Variants in ZNF141 observed in about 807,000 individuals in gnomAD.
ZNF141 encodes zinc finger protein 141.
In ZNF141, 7 loss-of-function variants were observed where a neutral mutation model predicts 11.3. The observed-to-expected ratio is 0.62, with a 90% CI of 0.35 to 1.16. The LOEUF (loss-of-function observed/expected upper bound fraction) is 1.16. Among genes scored for constraint, ZNF141 ranks in the 50% most tolerant of loss-of-function variants. The probability of loss-of-function intolerance (pLI) is 0.02; values close to 1 mark genes in which losing one functional copy is unlikely to be tolerated. For synonymous variants in ZNF141, 183 were observed against 190.7 expected (o/e 0.96, Z 0.33); for missense variants, 535 against 554.0 (o/e 0.97, Z 0.34).
chr4:364,299 C>T (rs1284647438), intron 3 of ZNF141, among the ~76,000 whole-genome samples: 1 of 152,058 alleles, frequency 6.6e-6, no homozygotes, highest in Non-Finnish European at 1.5e-5. Flanking sequence ...TGGTAGAATT[C>T]GGCTGTGAAT....
Position 372,898 on chromosome 4 carries a change from T to TTAGTAAATTTTCAAATTCC in ZNF141, c.479_480insCTAGTAAATTTTCAAATTC (p.Asn161Ter). The TTAGTAAATTTTCAAATTCC allele has an allele frequency of 6.2e-7, 1 of 1,613,610 alleles. No homozygotes were observed. The highest frequency in any genetic ancestry group is 2.2e-5 in the East Asian group (1 of 44,850). Reference sequence around the variant, plus strand: ...CAGTGTAAAGCAAGTGTCAAAGTTGTTAGTAAATTTTCAAATTCAAACAAA... The same window carrying TTAGTAAATTTTCAAATTCC: ...CAGTGTAAAGCAAGTGTCAAAGTTGTTAGTAAATTTTCAAATTCCTAGTAAATTTTCAAATTCAAACAAA... On this transcript the variant is annotated frameshift_variant, in exon 4 of 4. Transcript: ENST00000240499. LOFTEE classifies it low-confidence loss of function (END_TRUNC).
At chr4:357,108 A>G (rs555421801) in intron 3 of ZNF141, among the ~76,000 whole-genome samples, 10 of 152,146 alleles carry the variant, frequency 6.6e-5, no homozygotes, top group African/African-American at 2.4e-4. Flanking sequence ...AGCACATGCC[A>G]CCATATTCAG....
chr4:373,823 G>A lies in ZNF141; in HGVS notation c.1386G>A (p.Arg462=), dbSNP rs1712218798. The change falls in exon 4 of 4, where the codon CGG becomes CGA. Residue 462 remains arginine (R), a synonymous_variant. Coordinates refer to ENST00000240499, the MANE Select transcript of ZNF141 (RefSeq NM_003441.4). ...AAGATTGTGACAAAGCCTTTAAACG[G>A]TTCTCACACCTGAATAAACATAAGA... ...KCKDCDKAFK[R]FSHLNKHKKI... is the part of the protein sequence containing the mutation. The A allele has an allele frequency of 2.5e-6, 4 of 1,611,862 alleles. No homozygotes were observed. Among genetic ancestry groups the A allele is most frequent in the Non-Finnish European group, 3.4e-6 (4 of 1,178,772 alleles).
chr4:374,247 C>A lies in ZNF141; in HGVS notation c.*385C>A. ...AATGTGGCAAAGCATTTAATTGGTC[C>A]TCAATGCTTAATAAATATAATTCAT... On this transcript the variant is annotated 3_prime_UTR_variant, in exon 4 of 4. Transcript: ENST00000240499. 1 of 310,922 alleles carries A rather than the reference C, an allele frequency of 3.2e-6. No homozygotes were observed. The highest frequency in any genetic ancestry group is 6.2e-6 in the Non-Finnish European group (1 of 160,048). 19.3% of individuals were successfully genotyped at this position (310,922 alleles called of 1,614,324 possible).
intron 3 of ZNF141, among the ~76,000 whole-genome samples, chr4:347,557 T>G (rs1553849847): frequency 1.3e-5 from 2 of 151,938 alleles, no homozygotes; most frequent in African/African-American, 2.4e-5. Flanking sequence ...GCCAGGATGG[T>G]CTTGGTCTCC....
At chr4:341,462 A>G (rs1581578303) in intron 1 of ZNF141, among the ~76,000 whole-genome samples, 1 of 152,328 alleles carries the variant, frequency 6.6e-6, no homozygotes. Flanking sequence ...ATAAATATTT[A>G]GCTTCTAATA....
chr4:372,416 G>T (rs1437094750), intron 3 of ZNF141, among the ~76,000 whole-genome samples: 2 of 152,162 alleles, frequency 1.3e-5, no homozygotes, highest in East Asian at 3.8e-4. Context: ...ATTCCTTCCT[G>T]TTCTATGTGG....
Position 348,607 on chromosome 4 carries a change from C to T in ZNF141, c.226+4177C>T, listed in dbSNP as rs565909353. 5.5e-4 allele frequency among the ~76,000 whole-genome samples: 83 copies of T among 151,816 alleles called. 1 individual carries two copies. Among genetic ancestry groups the T allele is most frequent in the African/African-American group, 1.8e-3 (73 of 41,394 alleles). On this transcript the variant is annotated intron_variant, in intron 3 of 3. Coordinates refer to ENST00000240499, the MANE Select transcript of ZNF141 (RefSeq NM_003441.4). ...GTGGGCGCTTGTAATCCCAGCTACT[C>T]GGGAAGCTGAGGCAGGAGAATCACT...
intron 1 of ZNF141, among the ~76,000 whole-genome samples, chr4:341,758 G>T (rs559060959): frequency 6.6e-6 from 1 of 152,312 alleles, no homozygotes; most frequent in Non-Finnish European, 1.5e-5. Context: ...TAATAGAGGA[G>T]ATCAGAGTTT....
At chr4:358,518 C>T (rs1490292149) in intron 3 of ZNF141, 2 of 169,458 alleles carry the variant, frequency 1.2e-5, no homozygotes, top group Non-Finnish European at 2.5e-5. Context: ...TTTGTTCATG[C>T]ATTGTTGCAA....
At chr4:364,950 AG>A (rs1711666819) in intron 3 of ZNF141, among the ~76,000 whole-genome samples, 1 of 152,358 alleles carries the variant, frequency 6.6e-6, no homozygotes, top group East Asian at 1.9e-4. Flanking sequence ...GAATCTACAG[AG>A]GCAACTGGCC....
At chr4:367,433 G>GA (rs1711799013) in intron 3 of ZNF141, among the ~76,000 whole-genome samples, 1 of 151,906 alleles carries the variant, frequency 6.6e-6, no homozygotes, top group Admixed American at 6.6e-5. Flanking sequence ...TTTGCGACTT[G>GA]AAGATAAGTT....
intron 3 of ZNF141, chr4:350,094 A>G: frequency 2.5e-5 from 13 of 520,858 alleles, no homozygotes; most frequent in Non-Finnish European, 5.2e-5. Flanking sequence ...CTTGATGGGA[A>G]GGACCACGTC....
intron 3 of ZNF141, among the ~76,000 whole-genome samples, chr4:346,771 C>G (rs1448199537): frequency 6.6e-6 from 1 of 151,818 alleles, no homozygotes; most frequent in Non-Finnish European, 1.5e-5. Flanking sequence ...CCCTCCAGGT[C>G]TATCCATGTT....
Position 374,106 on chromosome 4 carries a change from A to G in ZNF141, c.*244A>G, listed in dbSNP as rs945249409. 1.9e-6 allele frequency: 1 copy of G among 524,098 alleles called. No individual in the cohort carries two copies. Among genetic ancestry groups the G allele is most frequent in the Non-Finnish European group, 3.4e-6 (1 of 294,152 alleles). The allele number at this position is 524,098 out of a possible 1,614,324, so 32.5% of individuals were successfully genotyped here. On this transcript the variant is annotated 3_prime_UTR_variant, in exon 4 of 4. Transcript: ENST00000240499. ...AAACCTGAATGAGCAGAAGAAAATT[A>G]TTACTGGAGATAAACCCTGCAAATG...
chr4:339,787 C>T (rs1720965638), intron 1 of ZNF141, among the ~76,000 whole-genome samples: 1 of 152,196 alleles, frequency 6.6e-6, no homozygotes, highest in South Asian at 2.1e-4. Context: ...AATATATAAC[C>T]TATTCCGCAA....
chr4:354,201 C>A (rs1721743087), intron 3 of ZNF141, among the ~76,000 whole-genome samples: 1 of 152,160 alleles, frequency 6.6e-6, no homozygotes, highest in Admixed American at 6.5e-5. Flanking sequence ...GAGCACTAAC[C>A]AGTCCTTTTA....
intron 3 of ZNF141, among the ~76,000 whole-genome samples, chr4:347,481 A>G (rs61792146): frequency 0.18 from 26,714 of 151,324 alleles, 2,944 homozygotes; most frequent in Non-Finnish European, 0.23. Flanking sequence ...CTGGGACTAC[A>G]GGCGCCTTCC....
In ZNF141 at chr4:355,495, C is replaced by T. The variant is rs372181121; in HGVS notation, c.226+11065C>T. ...TGTTGGGATTACAGGTATGAGCCAT[C>T]GTGCCCAGCTATGACAGATTTTTTT... On this transcript the variant is annotated intron_variant, in intron 3 of 3. Coordinates refer to ENST00000240499, the MANE Select transcript of ZNF141 (RefSeq NM_003441.4). 5.9e-3 allele frequency among the ~76,000 whole-genome samples: 898 copies of T among 152,218 alleles called. 12 individuals are homozygous for T. Among genetic ancestry groups the T allele is most frequent in the African/African-American group, 0.02 (814 of 41,542 alleles).
Sources: allele counts gnomAD v4.1 joint callset (sites outside exome capture counted in the v4.1 genomes callset), GRCh38; gene constraint gnomAD v4.1.1; transcripts MANE v1.5; gene names NCBI Gene and HGNC (gene_info 2026-07-23, HGNC 2026-07-21).